The following PDE1C variants were observed in gnomAD, a reference collection of about 807,000 sequenced individuals.
The protein encoded by PDE1C is dual specificity calcium/calmodulin-dependent 3',5'-cyclic nucleotide phosphodiesterase 1C.
Under a neutral mutation model 93.1 loss-of-function variants are expected in PDE1C, and 62 were observed. The ratio of observed to expected loss-of-function variants is 0.67; its 90% CI spans 0.54 to 0.82. The LOEUF (loss-of-function observed/expected upper bound fraction) is 0.82, where lower values mean the gene tolerates loss of function less well. Ranked by LOEUF, PDE1C falls within the 40% of genes least tolerant of loss-of-function variation. The pLI is 0.00. For synonymous variants in PDE1C, 325 were observed against 310.1 expected (o/e 1.05, Z -0.50); for missense variants, 742 against 884.6 (o/e 0.84, Z 2.04).
chr7:32,362,031 G>A (rs1024531391), intron 1 of PDE1C, among the ~76,000 whole-genome samples: 2 of 152,282 alleles, frequency 1.3e-5, no homozygotes, highest in Admixed American at 1.3e-4. Flanking sequence ...CACTTTCAAT[G>A]CAACAGAGTG....
At chr7:32,005,555 C>CAAAA (rs59246166) in intron 2 of PDE1C, among the ~76,000 whole-genome samples, 93 of 50,586 alleles carry the variant, frequency 1.8e-3, no homozygotes, top group Middle Eastern at 8.8e-3. Context: ...GACTCCATTT[C>CAAAA]AAAAAAAAAA....
intron 2 of PDE1C, among the ~76,000 whole-genome samples, chr7:31,998,606 C>T (rs1785064025): frequency 6.6e-6 from 1 of 152,046 alleles, no homozygotes; most frequent in Non-Finnish European, 1.5e-5. Flanking sequence ...GGTATATGGT[C>T]TATAACACAG....
At chr7:31,991,330 AG>A (rs1423484480) in intron 2 of PDE1C, among the ~76,000 whole-genome samples, 3 of 152,184 alleles carry the variant, frequency 2.0e-5, no homozygotes, top group African/African-American at 7.2e-5. Flanking sequence ...AGGCCCTCTG[AG>A]GCAAAGATTG....
At position 32,001,394 on chromosome 7, in the gene PDE1C, A is replaced by G. The variant is rs185841647; in HGVS notation, c.128+50160T>C. On this transcript the variant is annotated intron_variant, in intron 2 of 17. Transcript: ENST00000396191. ...ATTTCTGATACATAGCAAGCTACTG[A>G]TAAGTGGCAGCTGCCTATGGCTCCT... Among the ~76,000 whole-genome samples the G allele has an allele frequency of 2.0e-5, 3 of 152,358 alleles. No individual in the cohort carries two copies. In the East Asian group the frequency reaches 5.8e-4, roughly 29 times the overall value.
the PDE1C span, among the ~76,000 whole-genome samples, chr7:31,625,767 A>G: frequency 5.3e-5 from 8 of 152,290 alleles, no homozygotes; most frequent in African/African-American, 1.2e-4. Context: ...AACTTAAAGT[A>G]TAATTAAAAA....
At chr7:32,378,482 G>A (rs1244355943) in intron 1 of PDE1C, among the ~76,000 whole-genome samples, 1 of 152,160 alleles carries the variant, frequency 6.6e-6, no homozygotes, top group Non-Finnish European at 1.5e-5. Context: ...ACCAGGCTAA[G>A]AGGAGAAGAG....
the PDE1C span, among the ~76,000 whole-genome samples, chr7:31,706,077 T>G: frequency 7.2e-6 from 1 of 138,936 alleles, no homozygotes; most frequent in Non-Finnish European, 1.5e-5. Flanking sequence ...TAATCTCGGC[T>G]TGCTGCAATC....
upstream of PDE1C, among the ~76,000 whole-genome samples, chr7:32,074,187 C>T (rs1314022738): frequency 6.6e-6 from 1 of 152,078 alleles, no homozygotes; most frequent in Admixed American, 6.5e-5. Context: ...CTACCTGTCC[C>T]AGAGTTCAAG....
chr7:32,251,084 C>CGT (rs1419292208), intron 1 of PDE1C, among the ~76,000 whole-genome samples: 8 of 152,350 alleles, frequency 5.3e-5, no homozygotes, highest in African/African-American at 1.9e-4. Context: ...AGCGCGCGTG[C>CGT]GCACACACAC....
At chr7:31,683,443 G>T in the PDE1C span, among the ~76,000 whole-genome samples, 3 of 151,442 alleles carry the variant, frequency 2.0e-5, no homozygotes, top group African/African-American at 2.4e-5. Flanking sequence ...TCAGTGAAAT[G>T]ATAATAAATG....
chr7:31,838,031 G>T, intron 9 of PDE1C, 60 bp from the exon 10 acceptor site: 1 of 1,135,652 alleles, frequency 8.8e-7, no homozygotes, highest in Non-Finnish European at 1.3e-6. Context: ...GTAAAAATCA[G>T]TGTTTTTTTT....
chr7:32,002,441 C>A (rs939867965), intron 2 of PDE1C, among the ~76,000 whole-genome samples: 4 of 152,166 alleles, frequency 2.6e-5, no homozygotes, highest in Non-Finnish European at 4.4e-5. Flanking sequence ...AGTTATTGAT[C>A]CTCTTTGAGC....
chr7:31,879,862 C>T (rs928947816), intron 3 of PDE1C, among the ~76,000 whole-genome samples: 4 of 151,944 alleles, frequency 2.6e-5, no homozygotes, highest in African/African-American at 4.8e-5. Context: ...GTAAACCCAA[C>T]TAAAAATCAT....
intron 1 of PDE1C, among the ~76,000 whole-genome samples, chr7:32,421,372 A>C (rs1785429780): frequency 6.6e-6 from 1 of 152,256 alleles, no homozygotes; most frequent in Non-Finnish European, 1.5e-5. Context: ...TTGTGGAAGG[A>C]GAACTGGATT....
intron 1 of PDE1C, among the ~76,000 whole-genome samples, chr7:32,068,850 T>C (rs933647158): frequency 7.9e-5 from 12 of 152,280 alleles, no homozygotes; most frequent in African/African-American, 2.4e-4. Flanking sequence ...TTTCACATTA[T>C]ACACTTTGGG....
chr7:31,829,325 T>C (rs1453090924), intron 11 of PDE1C, among the ~76,000 whole-genome samples: 2 of 152,280 alleles, frequency 1.3e-5, no homozygotes, highest in East Asian at 3.9e-4. Flanking sequence ...GGAAAATGCA[T>C]GTAAATAAAT....
At chr7:31,617,462 T>TGA in the PDE1C span, among the ~76,000 whole-genome samples, 2 of 150,788 alleles carry the variant, frequency 1.3e-5, no homozygotes, top group African/African-American at 4.9e-5. Flanking sequence ...AAAGAAAATG[T>TGA]GAATTAGTAT....
intron 1 of PDE1C, among the ~76,000 whole-genome samples, chr7:32,372,630 G>A (rs1476084004): frequency 1.3e-5 from 2 of 152,030 alleles, no homozygotes; most frequent in Non-Finnish European, 2.9e-5. Context: ...TAGATAAATT[G>A]GACTTCATCA....
intron 3 of PDE1C, among the ~76,000 whole-genome samples, chr7:32,133,456 C>G (rs1035933082): frequency 6.6e-6 from 1 of 152,094 alleles, no homozygotes; most frequent in Non-Finnish European, 1.5e-5. Flanking sequence ...AATAGAAAGC[C>G]TGCCAGTTTT....
Sources: allele counts gnomAD v4.1 joint callset (sites outside exome capture counted in the v4.1 genomes callset), GRCh38; gene constraint gnomAD v4.1.1; transcripts MANE v1.5; gene names NCBI Gene and HGNC (gene_info 2026-07-23, HGNC 2026-07-21).